Variants in ZNF804B observed in about 807,000 individuals in gnomAD.
The protein encoded by ZNF804B is zinc finger 804B.
Under a neutral mutation model 101.4 loss-of-function variants are expected in ZNF804B, and 80 were observed. The observed-to-expected ratio is 0.79, with a 90% CI of 0.66 to 0.95. The LOEUF is 0.95. Ranked by LOEUF, ZNF804B falls within the 40% of genes least tolerant of loss-of-function variation. The pLI is 0.00. For missense variants in ZNF804B, 1,673 were observed against 1,561.9 expected, an observed-to-expected ratio of 1.07 and a Z score of -1.20; for synonymous variants, 622 against 558.8, an observed-to-expected ratio of 1.11 and a Z score of -1.59.
At chr7:89,277,853 G>A (rs540647675) in intron 2 of ZNF804B, among the ~76,000 whole-genome samples, 1 of 152,104 alleles carries the variant, frequency 6.6e-6, no homozygotes, top group Admixed American at 6.6e-5. Context: ...ATAATCCTTT[G>A]GGTATATACC....
At chr7:89,193,666 T>A (rs374837571) in intron 1 of ZNF804B, among the ~76,000 whole-genome samples, 2 of 152,130 alleles carry the variant, frequency 1.3e-5, no homozygotes, top group Admixed American at 6.6e-5. Context: ...GGCTGCATAG[T>A]ATTCCATGGT....
chr7:89,244,671 T>G (rs1404761800), intron 2 of ZNF804B, among the ~76,000 whole-genome samples: 1 of 152,080 alleles, frequency 6.6e-6, no homozygotes, highest in Non-Finnish European at 1.5e-5. Flanking sequence ...AGATAAATAC[T>G]GGGGAATGCC....
At chr7:88,971,239 A>G (rs1292719169) in intron 1 of ZNF804B, among the ~76,000 whole-genome samples, 3 of 151,600 alleles carry the variant, frequency 2.0e-5, no homozygotes, top group African/African-American at 7.3e-5. Flanking sequence ...CAATGACTGA[A>G]GTTTCATATA....
chr7:89,302,522 G>A (rs1027334827), intron 2 of ZNF804B, among the ~76,000 whole-genome samples: 1 of 151,908 alleles, frequency 6.6e-6, no homozygotes, highest in Non-Finnish European at 1.5e-5. Context: ...GAGAGAGAGA[G>A]AGAAAGAGAC....
At chr7:89,073,587 C>CT (rs1789574095) in intron 1 of ZNF804B, among the ~76,000 whole-genome samples, 1 of 151,892 alleles carries the variant, frequency 6.6e-6, no homozygotes, top group South Asian at 2.1e-4. Context: ...TTTTTAAGAA[C>CT]TTTTTCTATA....
rs140610767 is a variant in ZNF804B at position 88,787,468 on chromosome 7, C to CAT, written c.108+27393_108+27394dup. Among the ~76,000 whole-genome samples the CAT allele has an allele frequency of 2.6e-5, 4 of 152,132 alleles. No individual in the cohort carries two copies. In the South Asian group the frequency reaches 6.2e-4, roughly 24 times the overall value. On this transcript the variant is annotated intron_variant, in intron 1 of 3. Coordinates refer to ENST00000333190, the MANE Select transcript of ZNF804B (RefSeq NM_181646.5). ...TAAAGGCCTTATTACTAGGAGTTTA[C>CAT]ATATATATATGTGACAGATGAATCT...
intron 3 of ZNF804B, among the ~76,000 whole-genome samples, chr7:89,330,272 T>C (rs1459746316): frequency 1.3e-5 from 2 of 151,594 alleles, no homozygotes; most frequent in East Asian, 1.9e-4. Context: ...AACTTTCCGA[T>C]GTAAGATGAA....
chr7:89,294,904 G>C (rs1790356725), intron 2 of ZNF804B, among the ~76,000 whole-genome samples: 1 of 151,908 alleles, frequency 6.6e-6, no homozygotes, highest in African/African-American at 2.4e-5. Flanking sequence ...AATTAATGGG[G>C]ATTCACTTTC....
At chr7:88,970,924 A>T (rs969496148) in intron 1 of ZNF804B, among the ~76,000 whole-genome samples, 7 of 151,308 alleles carry the variant, frequency 4.6e-5, no homozygotes, top group Admixed American at 6.6e-5. Context: ...CATATGTAAC[A>T]AACCTGCATG....
At position 88,920,779 on chromosome 7, in the gene ZNF804B, C is replaced by T. The variant is rs147070556; in HGVS notation, c.108+160695C>T. ...AGATACAGATATTAATTAATTCATC[C>T]ATGCATATATTTACTCAGCATTTCA... is the stretch of plus-strand genomic sequence containing the variant. On this transcript the variant is annotated intron_variant, in intron 1 of 3. Coordinates refer to ENST00000333190, the MANE Select transcript of ZNF804B (RefSeq NM_181646.5). Among the ~76,000 whole-genome samples the T allele has an allele frequency of 4.3e-3, 656 of 151,732 alleles. 2 individuals are homozygous for T. Among genetic ancestry groups the T allele is most frequent in the Middle Eastern group, 0.014 (4 of 294 alleles).
intron 1 of ZNF804B, among the ~76,000 whole-genome samples, chr7:88,779,952 T>G (rs1790198078): frequency 1.3e-5 from 2 of 152,126 alleles, no homozygotes; most frequent in African/African-American, 2.4e-5. Context: ...GTCCAACTGG[T>G]CATTCATTCA....
At chr7:89,219,351 T>G (rs1788945869) in intron 2 of ZNF804B, among the ~76,000 whole-genome samples, 1 of 149,670 alleles carries the variant, frequency 6.7e-6, no homozygotes, top group South Asian at 2.1e-4. Context: ...CATACTCTCT[T>G]AAGAAAGTCA....
intron 1 of ZNF804B, among the ~76,000 whole-genome samples, chr7:89,107,377 A>G (rs1790150324): frequency 6.6e-6 from 1 of 152,202 alleles, no homozygotes; most frequent in Admixed American, 6.6e-5. Context: ...CATATGTTTG[A>G]GATATCTATA....
intron 1 of ZNF804B, among the ~76,000 whole-genome samples, chr7:89,121,081 C>A (rs1790398034): frequency 6.6e-6 from 1 of 152,148 alleles, no homozygotes; most frequent in Non-Finnish European, 1.5e-5. Context: ...TAACGAACTG[C>A]CTGAGAGGTA....
chr7:88,973,953 T>C (rs1793574334), intron 1 of ZNF804B, among the ~76,000 whole-genome samples: 1 of 151,392 alleles, frequency 6.6e-6, no homozygotes, highest in African/African-American at 2.4e-5. Flanking sequence ...TCATTACTTT[T>C]CTGGACTACC....
chr7:89,121,811 C>T (rs1438285402), intron 1 of ZNF804B, among the ~76,000 whole-genome samples: 1 of 151,934 alleles, frequency 6.6e-6, no homozygotes, highest in East Asian at 1.9e-4. Context: ...CCAGGTGGTA[C>T]CACAGAGGCA....
At chr7:88,892,391 T>C (rs1271447944) in intron 1 of ZNF804B, among the ~76,000 whole-genome samples, 2 of 152,132 alleles carry the variant, frequency 1.3e-5, no homozygotes, top group Non-Finnish European at 2.9e-5. Context: ...TTGTAGAAAA[T>C]AGTTTTTTTG....
chr7:89,095,762 A>C (rs1789963340), intron 1 of ZNF804B, among the ~76,000 whole-genome samples: 1 of 152,218 alleles, frequency 6.6e-6, no homozygotes, highest in African/African-American at 2.4e-5. Flanking sequence ...TTTCCTGTTA[A>C]GTTTTTAAAC....
chr7:88,999,002 C>T (rs538549038), intron 1 of ZNF804B, among the ~76,000 whole-genome samples: 2 of 152,152 alleles, frequency 1.3e-5, no homozygotes, highest in South Asian at 2.1e-4. Context: ...CTGAAACAAT[C>T]ATTTCCTATT....
Sources: gnomAD v4.1 joint callset for allele counts (sites outside exome capture counted in the v4.1 genomes callset) on GRCh38, gnomAD v4.1.1 for gene constraint, MANE v1.5 for transcripts, NCBI Gene and HGNC (gene_info 2026-07-23, HGNC 2026-07-21) for gene names.